Variants in NAV3 observed in about 807,000 individuals in gnomAD.
NAV3 encodes pore membrane and/or filament interacting like protein 1.
Under a neutral mutation model 244.7 loss-of-function variants are expected in NAV3, and 87 were observed. That is an observed-to-expected ratio of 0.36 (90% CI 0.30 to 0.42). The LOEUF (loss-of-function observed/expected upper bound fraction) is 0.42, where lower values mean the gene tolerates loss of function less well. Among genes scored for constraint, NAV3 ranks in the 20% least tolerant of loss-of-function variants. NAV3 has a pLI of 1.00. For synonymous variants in NAV3, 1,126 were observed against 1,042.2 expected, an observed-to-expected ratio of 1.08 and a Z score of -1.55; for missense variants, 2,663 against 2,893.3, an observed-to-expected ratio of 0.92 and a Z score of 1.83.
intron 2 of NAV3, among the ~76,000 whole-genome samples, chr12:77,720,176 TC>T (rs1178407630): frequency 6.6e-6 from 1 of 152,026 alleles, no homozygotes; most frequent in East Asian, 1.9e-4. Context: ...TCTCTCTCTC[TC>T]TCTTTAACCT....
intron 2 of NAV3, among the ~76,000 whole-genome samples, chr12:77,732,634 C>G (rs898669859): frequency 6.6e-6 from 1 of 152,108 alleles, no homozygotes; most frequent in African/African-American, 2.4e-5. Context: ...TACAACCCTG[C>G]GTGGCACAAA....
At chr12:77,789,452 C>G (rs922121781) in intron 2 of NAV3, among the ~76,000 whole-genome samples, 4 of 151,632 alleles carry the variant, frequency 2.6e-5, no homozygotes, top group African/African-American at 9.7e-5. Flanking sequence ...ACTTTCCTGG[C>G]CACATTGGAA....
At chr12:78,053,062 A>C (rs1424983448) in intron 11 of NAV3, among the ~76,000 whole-genome samples, 2 of 151,796 alleles carry the variant, frequency 1.3e-5, no homozygotes. Flanking sequence ...CTACTAAAAA[A>C]GTTAGCCAGG....
At chr12:78,196,897 T>A (rs909105848) in intron 34 of NAV3, among the ~76,000 whole-genome samples, 1 of 151,936 alleles carries the variant, frequency 6.6e-6, no homozygotes, top group Non-Finnish European at 1.5e-5. Context: ...AAAATCTCAA[T>A]ATATGTGGTT....
At chr12:77,669,913 C>T (rs1020035541) in intron 2 of NAV3, among the ~76,000 whole-genome samples, 1 of 151,732 alleles carries the variant, frequency 6.6e-6, no homozygotes, top group African/African-American at 2.4e-5. Flanking sequence ...AAGAACAATC[C>T]AAACCCAAAG....
At chr12:78,037,438 A>T (rs1405673892) in intron 9 of NAV3, 10 of 643,576 alleles carry the variant, frequency 1.6e-5, no homozygotes, top group Non-Finnish European at 1.7e-5. Flanking sequence ...GAAATTTCAT[A>T]GTCTCTTATG....
intron 2 of NAV3, among the ~76,000 whole-genome samples, chr12:77,654,458 C>T (rs1446851330): frequency 6.6e-6 from 1 of 152,164 alleles, no homozygotes; most frequent in African/African-American, 2.4e-5. Flanking sequence ...CAGGAAGCTC[C>T]AACTGGGTGG....
At chr12:77,868,248 C>T (rs1300489327) in intron 1 of NAV3, among the ~76,000 whole-genome samples, 1 of 150,324 alleles carries the variant, frequency 6.7e-6, no homozygotes, top group East Asian at 2.0e-4. Flanking sequence ...CAACAAAAAC[C>T]CTTCCATGAA....
At chr12:77,601,576 G>T (rs1282712456) in intron 2 of NAV3, among the ~76,000 whole-genome samples, 1 of 151,936 alleles carries the variant, frequency 6.6e-6, no homozygotes, top group Non-Finnish European at 1.5e-5. Flanking sequence ...GGAGCATGTG[G>T]TGCATAGTAA....
chr12:77,864,789 T>G (rs1397030818), intron 1 of NAV3, among the ~76,000 whole-genome samples: 1 of 152,030 alleles, frequency 6.6e-6, no homozygotes, highest in Admixed American at 6.6e-5. Flanking sequence ...TTGTTGTTTT[T>G]TCCTTTAAAG....
At chr12:78,104,260 A>G (rs1269695888) in intron 12 of NAV3, among the ~76,000 whole-genome samples, 1 of 152,216 alleles carries the variant, frequency 6.6e-6, no homozygotes, top group African/African-American at 2.4e-5. Context: ...GAAATATCAA[A>G]GAGCATGACT....
chr12:77,779,999 T>C (rs1870583417), intron 2 of NAV3, among the ~76,000 whole-genome samples: 1 of 152,242 alleles, frequency 6.6e-6, no homozygotes, highest in African/African-American at 2.4e-5. Flanking sequence ...GATAGTTTCT[T>C]TGGAATGCAG....
chr12:78,021,232 T>C (rs1175876298), intron 8 of NAV3, among the ~76,000 whole-genome samples: 1 of 152,150 alleles, frequency 6.6e-6, no homozygotes, highest in Non-Finnish European at 1.5e-5. Context: ...GAATGAGAAT[T>C]TGTTTCTGGT....
intron 2 of NAV3, among the ~76,000 whole-genome samples, chr12:77,722,787 T>C (rs143058516): frequency 1.0e-3 from 154 of 152,168 alleles, no homozygotes; most frequent in African/African-American, 3.3e-3. Context: ...TTGATAGAAA[T>C]TTTGTCTTGT....
intron 2 of NAV3, among the ~76,000 whole-genome samples, chr12:77,751,181 A>G (rs1397314346): frequency 1.3e-5 from 2 of 152,230 alleles, no homozygotes; most frequent in African/African-American, 4.8e-5. Context: ...CATACGCTGG[A>G]TAATAAAAGG....
chr12:77,792,775 T>C (rs1367283065), intron 2 of NAV3, among the ~76,000 whole-genome samples: 2 of 152,200 alleles, frequency 1.3e-5, no homozygotes, highest in African/African-American at 4.8e-5. Context: ...TTTTCTCTTA[T>C]GGGTGTTTCC....
At chr12:77,921,131 C>A (rs61039977) in intron 1 of NAV3, among the ~76,000 whole-genome samples, 62,900 of 151,802 alleles carry the variant, frequency 0.41, 14,105 homozygotes, top group African/African-American at 0.6. Context: ...AAAGGCTTAA[C>A]TTTAAAGCTA....
chr12:77,593,757 A>T (rs1449167646), intron 2 of NAV3, among the ~76,000 whole-genome samples: 1 of 151,518 alleles, frequency 6.6e-6, no homozygotes, highest in Non-Finnish European at 1.5e-5. Context: ...TAGAGGCGTG[A>T]GCCACCACGC....
At chr12:77,660,689 AC>A (rs1873399125) in intron 2 of NAV3, among the ~76,000 whole-genome samples, 1 of 152,138 alleles carries the variant, frequency 6.6e-6, no homozygotes, top group East Asian at 1.9e-4. Context: ...GTATACCATT[AC>A]TTTAGTCTAA....
Sources: gnomAD v4.1 joint callset for allele counts (sites outside exome capture counted in the v4.1 genomes callset) on GRCh38, gnomAD v4.1.1 for gene constraint, MANE v1.5 for transcripts, NCBI Gene and HGNC (gene_info 2026-07-23, HGNC 2026-07-21) for gene names.